ZNF678: variants seen among roughly 807,000 people sequenced by gnomAD.
The protein encoded by ZNF678 is zinc finger protein 678, also known as hypothetical protein MGC42493.
In ZNF678, 5 loss-of-function variants were observed where a neutral mutation model predicts 3.0. The observed-to-expected ratio is 1.69, with a 90% confidence interval of 0.88 to 3.56. The LOEUF (loss-of-function observed/expected upper bound fraction) is 3.56, where lower values mean the gene tolerates loss of function less well. ZNF678 is among the 30% of genes most tolerant of loss of function. The pLI is 0.00. For missense variants in ZNF678, 593 were observed against 605.0 expected (o/e 0.98, Z 0.21); for synonymous variants, 218 against 199.6 (o/e 1.09, Z -0.78).
rs770570772 is a variant in ZNF678 at position 227,563,630 on chromosome 1, T to C, written c.-258T>C. The stretch of plus-strand genomic sequence containing the variant: ...TATCCCCAGCTGCGGGAGGCCCTGG[T>C]GACTCTGCTGCTGCAGTGTCTGGTT... On this transcript the variant is annotated 5_prime_UTR_variant, in exon 1 of 4. Transcript: ENST00000343776. 1 of 1,266,264 alleles carries C rather than the reference T, an allele frequency of 7.9e-7. No individual in the cohort carries two copies. The highest frequency in any genetic ancestry group is 1.1e-6 in the Non-Finnish European group (1 of 951,734). The allele number at this position is 1,266,264 out of a possible 1,614,324, so 78.4% of individuals were successfully genotyped here. A position where few individuals can be genotyped will look rare whatever the true frequency, so the allele number is the denominator to read the frequency against.
chr1:227,656,815 A>G lies in ZNF678; in HGVS notation c.*987A>G, dbSNP rs1358709144. On this transcript the variant is annotated 3_prime_UTR_variant, in exon 4 of 4. Transcript: ENST00000343776. Reference sequence around the variant, plus strand: ...TTAGAATGCAATTTCTTTTCATAAAACAAAATTATTTTTAATGTGTTAAGA... The same window carrying G: ...TTAGAATGCAATTTCTTTTCATAAAGCAAAATTATTTTTAATGTGTTAAGA... 2 of 151,998 alleles carry G rather than the reference A, an allele frequency of 1.3e-5. No homozygotes were observed. The highest frequency in any genetic ancestry group is 2.9e-5 in the Non-Finnish European group (2 of 67,892). The allele number at this position is 151,998 out of a possible 1,614,324, so 9.4% of individuals were successfully genotyped here.
rs1419264367 is a variant in ZNF678 at position 227,598,921 on chromosome 1, C to T, written c.-164+35197C>T. ...TCTCACTTCCACTTAACAATTTCTC[C>T]CTGTCTCTTTCTAGTTCTTTCTTCC... On this transcript the variant is annotated intron_variant, in intron 1 of 3. Coordinates refer to ENST00000343776, the MANE Select transcript of ZNF678 (RefSeq NM_001367909.1). The T allele has an allele frequency of 3.1e-5, 23 of 743,694 alleles. 1 individual carries two copies. Among genetic ancestry groups the T allele is most frequent in the Middle Eastern group, 3.5e-4 (1 of 2,866 alleles). 46.1% of individuals were successfully genotyped at this position (743,694 alleles called of 1,614,324 possible). A position where few individuals can be genotyped will look rare whatever the true frequency, so the allele number is the denominator to read the frequency against.
chr1:227,644,979 C>G (rs1188789983), intron 1 of ZNF678, among the ~76,000 whole-genome samples: 1 of 152,158 alleles, frequency 6.6e-6, no homozygotes, highest in Non-Finnish European at 1.5e-5. Context: ...AGGGCCTGCT[C>G]TCTTTTGGTT....
chr1:227,643,697 C>T (rs1658879819), intron 1 of ZNF678, among the ~76,000 whole-genome samples: 1 of 151,996 alleles, frequency 6.6e-6, no homozygotes, highest in Non-Finnish European at 1.5e-5. Context: ...GCTCAGTAAC[C>T]TGTTCTCTAT....
intron 1 of ZNF678, among the ~76,000 whole-genome samples, chr1:227,596,318 A>G (rs984546886): frequency 6.6e-6 from 1 of 152,218 alleles, no homozygotes; most frequent in Non-Finnish European, 1.5e-5. Flanking sequence ...TGAGTTAAAG[A>G]AGGAAGAGGT....
chr1:227,574,140 G>GC (rs1558129012), intron 1 of ZNF678, among the ~76,000 whole-genome samples: 1 of 152,178 alleles, frequency 6.6e-6, no homozygotes, highest in African/African-American at 2.4e-5. Context: ...ACATATACAT[G>GC]CATTTGTCTT....
chr1:227,592,982 C>T (rs776803227), intron 1 of ZNF678, among the ~76,000 whole-genome samples: 1 of 152,238 alleles, frequency 6.6e-6, no homozygotes, highest in Non-Finnish European at 1.5e-5. Context: ...TTCAGGTCTC[C>T]AAGGAATGGT....
intron 1 of ZNF678, among the ~76,000 whole-genome samples, chr1:227,605,448 A>T (rs1657840360): frequency 6.6e-6 from 1 of 152,226 alleles, no homozygotes; most frequent in Non-Finnish European, 1.5e-5. Context: ...TGACTTTTAA[A>T]GCAAAATTTT....
At chr1:227,666,101 C>G (rs1571926459), downstream of ZNF678, among the ~76,000 whole-genome samples, 1 of 152,288 alleles carries the variant, frequency 6.6e-6, no homozygotes, top group East Asian at 1.9e-4. Flanking sequence ...ATCAAAAGAT[C>G]AGAAGTTATC....
At chr1:227,602,766 G>A (rs1397952319) in intron 1 of ZNF678, among the ~76,000 whole-genome samples, 14 of 152,174 alleles carry the variant, frequency 9.2e-5, no homozygotes, top group Non-Finnish European at 7.4e-5. Flanking sequence ...ATTTAAACCA[G>A]GTGTTAACTT....
At chr1:227,624,141 T>G (rs1217894035) in intron 1 of ZNF678, among the ~76,000 whole-genome samples, 1 of 152,240 alleles carries the variant, frequency 6.6e-6, no homozygotes, top group Non-Finnish European at 1.5e-5. Context: ...GTTTGGACAA[T>G]GCTCTTTCTA....
Position 227,659,918 on chromosome 1 carries a change from C to T in ZNF678, c.*4090C>T, listed in dbSNP as rs765363441. ...ACAATATATTCTCAATAACTGTATTCACTCTGCACTACAATAGGTCTCTTG... is the reference window on the plus strand; with the variant it reads ...ACAATATATTCTCAATAACTGTATTTACTCTGCACTACAATAGGTCTCTTG... On this transcript the variant is annotated 3_prime_UTR_variant, in exon 4 of 4. Transcript: ENST00000343776. 6.6e-6 allele frequency: 1 copy of T among 151,752 alleles called. No homozygotes were observed. Among genetic ancestry groups the T allele is most frequent in the Non-Finnish European group, 1.5e-5 (1 of 67,934 alleles). 9.4% of individuals were successfully genotyped at this position (151,752 alleles called of 1,614,324 possible). A position where few individuals can be genotyped will look rare whatever the true frequency, so the allele number is the denominator to read the frequency against.
At chr1:227,640,077 G>A (rs115738796) in intron 1 of ZNF678, among the ~76,000 whole-genome samples, 1,943 of 152,314 alleles carry the variant, frequency 0.013, 44 homozygotes, top group African/African-American at 0.044. Context: ...GCGAGTATGG[G>A]CAGGAGAGAA....
intron 1 of ZNF678, among the ~76,000 whole-genome samples, chr1:227,641,541 A>G (rs1425475592): frequency 1.3e-5 from 2 of 152,130 alleles, no homozygotes; most frequent in Non-Finnish European, 2.9e-5. Flanking sequence ...AGTTGAAAAT[A>G]ATTTTGTTTT....
At chr1:227,622,120 C>T (rs1658295434) in intron 1 of ZNF678, among the ~76,000 whole-genome samples, 1 of 152,198 alleles carries the variant, frequency 6.6e-6, no homozygotes. Flanking sequence ...GAAAGTCTGA[C>T]ATCTTTTAAG....
intron 1 of ZNF678, among the ~76,000 whole-genome samples, chr1:227,589,796 A>G (rs1021457920): frequency 6.6e-6 from 1 of 151,912 alleles, no homozygotes; most frequent in African/African-American, 2.4e-5. Context: ...TATCACGCCC[A>G]GAGCACGGGG....
At chr1:227,637,733 G>A (rs1658715531) in intron 1 of ZNF678, among the ~76,000 whole-genome samples, 1 of 152,148 alleles carries the variant, frequency 6.6e-6, no homozygotes, top group African/African-American at 2.4e-5. Context: ...TAACGGTTTG[G>A]CAAGTAAAGC....
chr1:227,642,304 C>G (rs1052536327), intron 1 of ZNF678, among the ~76,000 whole-genome samples: 7 of 152,194 alleles, frequency 4.6e-5, no homozygotes, highest in Non-Finnish European at 8.8e-5. Flanking sequence ...CAGTGACCTG[C>G]TGCAGTTGTG....
chr1:227,662,842 C>T (rs372195152), downstream of ZNF678, among the ~76,000 whole-genome samples: 1 of 152,180 alleles, frequency 6.6e-6, no homozygotes, highest in East Asian at 1.9e-4. Flanking sequence ...CATATTCTTT[C>T]ACCAAGTTAC....
Sources: allele counts gnomAD v4.1 joint callset (sites outside exome capture counted in the v4.1 genomes callset), GRCh38; gene constraint gnomAD v4.1.1; transcripts MANE v1.5; gene names NCBI Gene and HGNC (gene_info 2026-07-23, HGNC 2026-07-21).